PTPRN2: variants seen among roughly 807,000 people sequenced by gnomAD.
PTPRN2 encodes the protein receptor-type tyrosine-protein phosphatase N2.
Under a neutral mutation model 118.8 loss-of-function variants are expected in PTPRN2, and 74 were observed. The observed-to-expected ratio is 0.62, with a 90% CI of 0.52 to 0.76. The LOEUF (loss-of-function observed/expected upper bound fraction) is 0.76. Among genes scored for constraint, PTPRN2 ranks in the 30% least tolerant of loss-of-function variants. PTPRN2 has a pLI of 0.00. For synonymous variants in PTPRN2, 641 were observed against 608.0 expected, an observed-to-expected ratio of 1.05 and a Z score of -0.80; for missense variants, 1,481 against 1,394.4, an observed-to-expected ratio of 1.06 and a Z score of -0.99.
intron 5 of PTPRN2, 80 bp from the exon 6 acceptor site, chr7:158,167,371 A>G: frequency 6.6e-7 from 1 of 1,508,188 alleles, no homozygotes; most frequent in Non-Finnish European, 8.9e-7. Flanking sequence ...CTTCAGTCTC[A>G]GTTTTCAAGG....
rs1800512489 is a variant in PTPRN2, at chr7:157,583,784, A to G, written c.2497-5644T>C. ...GTAATCCCAGCTACTCAGGAGGCTG[A>G]GGCAGGAGAACTGCTTGTGCCTGGA... is the stretch of plus-strand genomic sequence containing the variant. On this transcript the variant is annotated intron_variant, in intron 17 of 22. Coordinates refer to ENST00000389418, the MANE Select transcript of PTPRN2 (RefSeq NM_002847.5). This position sits in a 1 kb window ranked among gnomAD's most constrained non-coding sequence, Gnocchi z 5.5. 6.6e-6 allele frequency among the ~76,000 whole-genome samples: 1 copy of G among 152,146 alleles called. No individual in the cohort carries two copies.
chr7:157,857,473 T>C (rs1809800949), intron 12 of PTPRN2: 1 of 152,374 alleles, frequency 6.6e-6, no homozygotes, highest in Middle Eastern at 3.4e-3. Context: ...CGGCGCGTGA[T>C]GGAGGAGCCC....
chr7:157,808,477 T>C lies in PTPRN2; in HGVS notation c.1788+90196A>G, dbSNP rs1465612707. On this transcript the variant is annotated intron_variant, in intron 12 of 22. Coordinates refer to ENST00000389418, the MANE Select transcript of PTPRN2 (RefSeq NM_002847.5). The surrounding 1 kb of genome is among the most constrained non-coding windows in gnomAD (Gnocchi z 5.0). ...TAGGAGCTTGAGCCCTGTTGTGAAC[T>C]GTGCATGTGAGGGATCCAGGTTGCA... Among the ~76,000 whole-genome samples, 4 of 152,158 alleles carry C rather than the reference T, an allele frequency of 2.6e-5. No individual in the cohort carries two copies. Among genetic ancestry groups the C allele is most frequent in the African/African-American group, 7.2e-5 (3 of 41,434 alleles).
At chr7:158,548,301 T>C (rs1039065808) in intron 1 of PTPRN2, among the ~76,000 whole-genome samples, 2 of 152,180 alleles carry the variant, frequency 1.3e-5, no homozygotes, top group Admixed American at 6.5e-5. Context: ...CCGGCCCCGA[T>C]TGTCTTTGGT....
chr7:158,346,164 C>T (rs180726745), intron 2 of PTPRN2, among the ~76,000 whole-genome samples: 2 of 152,320 alleles, frequency 1.3e-5, no homozygotes, highest in East Asian at 1.9e-4. Context: ...GTGGCAAAAA[C>T]ATTTGGAATT....
Position 158,555,517 on chromosome 7 carries a change from G to C in PTPRN2, c.112+32041C>G, listed in dbSNP as rs117451999. Among the ~76,000 whole-genome samples, 1 of 152,306 alleles carries C rather than the reference G, an allele frequency of 6.6e-6. No individual in the cohort carries two copies. The highest frequency in any genetic ancestry group is 1.9e-4 in the East Asian group (1 of 5,178). Reference sequence around the variant, plus strand: ...CTGCCATGTCCCATCCCAACACAGGGGCAGTCCTGCTGCCCTTTCGTTCTC... The same window carrying C: ...CTGCCATGTCCCATCCCAACACAGGCGCAGTCCTGCTGCCCTTTCGTTCTC... On this transcript the variant is annotated intron_variant, in intron 1 of 22. Transcript: ENST00000389418. The surrounding 1 kb of genome is among the most constrained non-coding windows in gnomAD (Gnocchi z 4.7).
At chr7:158,385,929 CGAGTCCCTCCTCCTGTGCTCT>C (rs1811305706) in intron 2 of PTPRN2, among the ~76,000 whole-genome samples, 1 of 149,560 alleles carries the variant, frequency 6.7e-6, no homozygotes, top group Non-Finnish European at 1.5e-5. Flanking sequence ...TCCCATTCCC[CGAGTCCCTCCTCCTGTGCTCT>C]GAGTCCCTAT....
chr7:158,316,908 T>G lies in PTPRN2; in HGVS notation c.188A>C (p.Lys63Thr), dbSNP rs1368705633. 1.9e-6 allele frequency: 3 copies of G among 1,612,730 alleles called. No individual in the cohort carries two copies. Among genetic ancestry groups the G allele is most frequent in the Admixed American group, 1.7e-5 (1 of 59,948 alleles). Residue 63 changes from lysine (K) to threonine (T), a missense_variant, in exon 3 of 23, where the codon AAG becomes ACG. Physicochemically the swap from Lys to Thr is moderately conservative, Grantham distance 78 (BLOSUM62 -1). Coordinates refer to ENST00000389418, the MANE Select transcript of PTPRN2 (RefSeq NM_002847.5). The part of the protein sequence containing the change: ...VNDGVFGRCQ[K>T]VPAMDFYRYE... ...GCGGTAAAAGTCCATTGCCGGAACC[T>G]TCTGGCACCTTCCAAACACTCCATC...
intron 1 of PTPRN2, among the ~76,000 whole-genome samples, chr7:158,583,391 C>A (rs1348027670): frequency 6.6e-6 from 1 of 152,068 alleles, no homozygotes; most frequent in Non-Finnish European, 1.5e-5. Flanking sequence ...CACAGAGATT[C>A]CCGCTGTGCA....
intron 3 of PTPRN2, among the ~76,000 whole-genome samples, chr7:158,249,718 AT>A (rs373525173): frequency 6.6e-5 from 10 of 152,358 alleles, no homozygotes; most frequent in African/African-American, 2.4e-4. Flanking sequence ...GAAAAGCCCC[AT>A]CCCCTGGGGA....
At chr7:158,231,668 C>T (rs1422662168) in intron 3 of PTPRN2, among the ~76,000 whole-genome samples, 3 of 152,110 alleles carry the variant, frequency 2.0e-5, no homozygotes, top group Admixed American at 2.0e-4. Flanking sequence ...TACAGAATAC[C>T]CATTCTTTTC....
chr7:158,167,067 G>T lies in PTPRN2; in HGVS notation c.774C>A (p.Pro258=), dbSNP rs780227668. 6.3e-7 allele frequency: 1 copy of T among 1,590,656 alleles called. No individual in the cohort carries two copies. Among genetic ancestry groups the T allele is most frequent in the Non-Finnish European group, 8.6e-7 (1 of 1,167,254 alleles). ...AYAAQRPPAP[P]GEGSLEPQYL... ...ACTGTGGCTCCAGGCTGCCCTCCCC[G>T]GGGGGAGCTGGGGGCCTCTGGGCAG... Residue 258 remains proline, a synonymous_variant, in exon 6 of 23, where the codon CCC becomes CCA. Coordinates refer to ENST00000389418, the MANE Select transcript of PTPRN2 (RefSeq NM_002847.5).
intron 2 of PTPRN2, among the ~76,000 whole-genome samples, chr7:158,333,419 CTG>C (rs1282537342): frequency 6.9e-6 from 1 of 145,060 alleles, no homozygotes; most frequent in African/African-American, 2.7e-5. Flanking sequence ...CACACCCACA[CTG>C]TCACCATAAG....
At chr7:158,316,797 C>A in intron 3 of PTPRN2, 22 bp downstream of exon 3, 2 of 1,567,354 alleles carry the variant, frequency 1.3e-6, no homozygotes, top group South Asian at 1.2e-5. Context: ...AGCCGCCGAG[C>A]CTCGGCCCAC....
At chr7:158,196,999 C>T (rs1434063434) in intron 4 of PTPRN2, among the ~76,000 whole-genome samples, 1 of 152,108 alleles carries the variant, frequency 6.6e-6, no homozygotes, top group South Asian at 2.1e-4. Context: ...TCAAGGAGCA[C>T]CTGTATACGT....
intron 2 of PTPRN2, among the ~76,000 whole-genome samples, chr7:158,341,352 G>A (rs1207894747): frequency 1.4e-5 from 2 of 146,082 alleles, no homozygotes; most frequent in African/African-American, 5.2e-5. Context: ...CTCACCATAA[G>A]AGGTAACACA....
At position 158,110,782 on chromosome 7, in the gene PTPRN2, G is replaced by A. The variant is rs74911888; in HGVS notation, c.1643+47C>T. The stretch of plus-strand genomic sequence containing the variant: ...TCCTTCCCTCCCACCCAGTCTCTGC[G>A]ACCAAGCAACAGGAGCCAAACAGAA... On this transcript the variant is annotated intron_variant, in intron 10 of 22. Coordinates refer to ENST00000389418, the MANE Select transcript of PTPRN2 (RefSeq NM_002847.5). 2,292 of 1,511,912 alleles carry A rather than the reference G, an allele frequency of 1.5e-3. 31 individuals carry two copies. In the African/African-American group the frequency reaches 0.026, roughly 17 times the overall value. The allele number at this position is 1,511,912 out of a possible 1,614,324, so 93.7% of individuals were successfully genotyped here.
At chr7:158,457,085 T>G (rs1818561622) in intron 2 of PTPRN2, among the ~76,000 whole-genome samples, 1 of 152,158 alleles carries the variant, frequency 6.6e-6, no homozygotes, top group Non-Finnish European at 1.5e-5. Context: ...TGAATTAATA[T>G]CCAAGGAGGG....
intron 12 of PTPRN2, among the ~76,000 whole-genome samples, chr7:157,753,534 C>T (rs1049848202): frequency 5.9e-5 from 9 of 152,198 alleles, no homozygotes; most frequent in Non-Finnish European, 8.8e-5. Flanking sequence ...CCGTCTGGGC[C>T]GCAGCTCACA....
Sources: gnomAD v4.1 joint callset for allele counts (sites outside exome capture counted in the v4.1 genomes callset) on GRCh38, gnomAD v4.1.1 for gene constraint, Gnocchi (gnomAD v3.1) non-coding constraint, MANE v1.5 for transcripts, NCBI Gene and HGNC (gene_info 2026-07-23, HGNC 2026-07-21) for gene names.